The following FGGY variants were observed in gnomAD, a reference collection of about 807,000 sequenced individuals.
FGGY encodes FGGY carbohydrate kinase domain-containing protein.
A neutral mutation model predicts 71.3 loss-of-function variants in FGGY; 72 were observed. The ratio of observed to expected loss-of-function variants is 1.01; its 90% confidence interval spans 0.84 to 1.23. The LOEUF (loss-of-function observed/expected upper bound fraction) is 1.23, where lower values mean the gene tolerates loss of function less well. FGGY is among the 50% of genes most tolerant of loss of function. FGGY has a pLI of 0.00. For synonymous variants in FGGY, 251 were observed against 250.3 expected (o/e 1.00, Z -0.02); for missense variants, 668 against 682.3 (o/e 0.98, Z 0.23).
intron 5 of FGGY, among the ~76,000 whole-genome samples, chr1:59,395,599 A>G (rs1458026164): frequency 1.3e-5 from 2 of 152,316 alleles, no homozygotes; most frequent in African/African-American, 2.4e-5. Flanking sequence ...AGAAGAAATT[A>G]TAATAATAAT....
At chr1:59,522,635 C>A (rs967396843) in intron 7 of FGGY, among the ~76,000 whole-genome samples, 1 of 152,186 alleles carries the variant, frequency 6.6e-6, no homozygotes, top group African/African-American at 2.4e-5. Flanking sequence ...CAATCTCAAT[C>A]TCAAAGATTA....
chr1:59,411,950 C>T lies in FGGY; in HGVS notation c.554+33113C>T, dbSNP rs146007706. 2.2e-3 allele frequency among the ~76,000 whole-genome samples: 336 copies of T among 152,298 alleles called. 1 individual carries two copies. The highest frequency in any genetic ancestry group is 8.5e-3 in the South Asian group (41 of 4,816). ...TTCCTCTCAGTCACTCCTTCATGCACTATAATATGATTTCCACTCTCCCCA... is the reference window on the plus strand; with the variant it reads ...TTCCTCTCAGTCACTCCTTCATGCATTATAATATGATTTCCACTCTCCCCA... On this transcript the variant is annotated intron_variant, in intron 5 of 15. Coordinates refer to ENST00000303721, the MANE Select transcript of FGGY (RefSeq NM_018291.5).
At chr1:59,384,131 A>G (rs1053477333) in intron 5 of FGGY, among the ~76,000 whole-genome samples, 2 of 152,090 alleles carry the variant, frequency 1.3e-5, no homozygotes, top group African/African-American at 2.4e-5. Flanking sequence ...CTCAGAAATG[A>G]TTTATTGGCT....
intron 4 of FGGY, among the ~76,000 whole-genome samples, chr1:59,376,244 T>A (rs962144092): frequency 6.6e-6 from 1 of 152,240 alleles, no homozygotes; most frequent in Non-Finnish European, 1.5e-5. Flanking sequence ...ATTAACATCT[T>A]AGAATGGGCG....
rs117228471 is a variant in FGGY at position 59,667,658 on chromosome 1, C to T, written c.1417+255C>T. On this transcript the variant is annotated intron_variant, in intron 13 of 15. Transcript: ENST00000303721. ...ATAACACGAGAGAAGTTGGCCAGGA[C>T]TAGATCTTAATTCAAGCATTTACAC... Among the ~76,000 whole-genome samples, 146 of 152,270 alleles carry T rather than the reference C, an allele frequency of 9.6e-4. 2 individuals are homozygous for T. The East Asian group carries it at 0.027, about 28-fold the overall frequency.
intron 6 of FGGY, among the ~76,000 whole-genome samples, chr1:59,482,234 C>T (rs1273850148): frequency 6.6e-6 from 1 of 152,134 alleles, no homozygotes; most frequent in Non-Finnish European, 1.5e-5. Flanking sequence ...CCTTTTATCA[C>T]CAGCTGAGTC....
intron 7 of FGGY, among the ~76,000 whole-genome samples, chr1:59,543,418 C>T (rs567161399): frequency 2.0e-5 from 3 of 152,200 alleles, no homozygotes; most frequent in South Asian, 2.1e-4. Flanking sequence ...TCTTATTGTC[C>T]GAAGCTTGAG....
At chr1:59,509,194 C>T (rs1162268107) in intron 6 of FGGY, among the ~76,000 whole-genome samples, 2 of 152,174 alleles carry the variant, frequency 1.3e-5, no homozygotes, top group East Asian at 3.8e-4. Flanking sequence ...TACCATGCTT[C>T]CTATATCCAC....
At chr1:59,701,784 A>T (rs1323849022) in intron 14 of FGGY, among the ~76,000 whole-genome samples, 4 of 152,106 alleles carry the variant, frequency 2.6e-5, no homozygotes, top group Non-Finnish European at 4.4e-5. Context: ...AGAATTTTAA[A>T]CCTTGGGAAC....
intron 2 of FGGY, among the ~76,000 whole-genome samples, chr1:59,326,934 G>A (rs547883826): frequency 2.6e-4 from 39 of 152,238 alleles, no homozygotes; most frequent in African/African-American, 8.2e-4. Flanking sequence ...ATGTGTAATA[G>A]CATTAGTCTA....
chr1:59,402,147 A>G (rs1265101334), intron 5 of FGGY, among the ~76,000 whole-genome samples: 1 of 152,252 alleles, frequency 6.6e-6, no homozygotes, highest in East Asian at 1.9e-4. Context: ...AGGTGAAGTC[A>G]GGACATGATG....
chr1:59,357,918 A>G (rs75050628), intron 4 of FGGY, among the ~76,000 whole-genome samples: 3,729 of 152,324 alleles, frequency 0.024, 174 homozygotes, highest in African/African-American at 0.086. Flanking sequence ...CCAGAGAGGT[A>G]CGAGGAAGGA....
At chr1:59,436,350 C>G (rs1240266823) in intron 5 of FGGY, among the ~76,000 whole-genome samples, 1 of 152,078 alleles carries the variant, frequency 6.6e-6, no homozygotes, top group Non-Finnish European at 1.5e-5. Flanking sequence ...CTCCTCCCCC[C>G]GCAAACTTCT....
At chr1:59,384,070 C>G (rs1431484550) in intron 5 of FGGY, among the ~76,000 whole-genome samples, 1 of 152,174 alleles carries the variant, frequency 6.6e-6, no homozygotes, top group African/African-American at 2.4e-5. Context: ...TTGGGGGCTT[C>G]TAGCCTTGCC....
At chr1:59,319,499 G>A (rs2046006966) in intron 1 of FGGY, among the ~76,000 whole-genome samples, 1 of 152,176 alleles carries the variant, frequency 6.6e-6, no homozygotes, top group Admixed American at 6.5e-5. Flanking sequence ...AAGATACCAT[G>A]TTGGCATCCT....
intron 8 of FGGY, among the ~76,000 whole-genome samples, chr1:59,560,195 G>T (rs906593560): frequency 6.6e-6 from 1 of 152,116 alleles, no homozygotes; most frequent in African/African-American, 2.4e-5. Flanking sequence ...AATCCTATAA[G>T]CCCAGTCTAA....
intron 5 of FGGY, among the ~76,000 whole-genome samples, chr1:59,419,856 A>C (rs1275455388): frequency 1.3e-5 from 2 of 152,172 alleles, no homozygotes; most frequent in African/African-American, 4.8e-5. Flanking sequence ...TGCTAATCCT[A>C]GCCTTTGAGT....
chr1:59,537,596 A>C (rs1435000957), intron 7 of FGGY, among the ~76,000 whole-genome samples: 1 of 152,238 alleles, frequency 6.6e-6, no homozygotes, highest in African/African-American at 2.4e-5. Flanking sequence ...ACTTCAAGCT[A>C]TACTACAAGG....
chr1:59,499,236 T>C (rs2094141762), intron 6 of FGGY, among the ~76,000 whole-genome samples: 2 of 151,068 alleles, frequency 1.3e-5, no homozygotes, highest in Non-Finnish European at 2.9e-5. Flanking sequence ...GAAAATACCT[T>C]CCAAGACCCC....
Sources: allele counts gnomAD v4.1 joint callset (sites outside exome capture counted in the v4.1 genomes callset), GRCh38; gene constraint gnomAD v4.1.1; transcripts MANE v1.5; gene names NCBI Gene and HGNC (gene_info 2026-07-23, HGNC 2026-07-21).